MYO1F: variants seen among roughly 807,000 people sequenced by gnomAD.
The protein encoded by MYO1F is myosin IF, also known as unconventional myosin-If.
A neutral mutation model predicts 146.6 loss-of-function variants in MYO1F; 60 were observed. The ratio of observed to expected loss-of-function variants is 0.41; its 90% CI spans 0.33 to 0.51. The LOEUF (loss-of-function observed/expected upper bound fraction) is 0.51, where lower values mean the gene tolerates loss of function less well. MYO1F is among the 20% of genes least tolerant of loss of function. MYO1F has a pLI of 0.25. For synonymous variants in MYO1F, 602 were observed against 602.1 expected, an observed-to-expected ratio of 1.00 and a Z score of 0.00; for missense variants, 1,274 against 1,534.3, an observed-to-expected ratio of 0.83 and a Z score of 2.83.
intron 16 of MYO1F, among the ~76,000 whole-genome samples, chr19:8,538,883 A>C (rs1972840300): frequency 6.6e-6 from 1 of 152,174 alleles, no homozygotes; most frequent in Admixed American, 6.6e-5. Context: ...TTTCCTGGGG[A>C]CACAGTTTCA....
intron 1 of MYO1F, among the ~76,000 whole-genome samples, chr19:8,561,956 C>A (rs547712875): frequency 3.4e-4 from 52 of 151,980 alleles, no homozygotes; most frequent in Non-Finnish European, 5.6e-4. Context: ...ACCTCGTGAT[C>A]CACCCATGTC....
At chr19:8,543,678 G>GTGGTGC (rs1568348344) in intron 14 of MYO1F, among the ~76,000 whole-genome samples, 10 of 46,816 alleles carry the variant, frequency 2.1e-4, no homozygotes, top group African/African-American at 1.2e-3. Context: ...GGTGGTGCTG[G>GTGGTGC]TGGTGGTGGT....
rs111647273 is a variant in MYO1F at position 8,568,355 on chromosome 19, G to A, written c.3+8952C>T. Among the ~76,000 whole-genome samples, 906 of 145,666 alleles carry A rather than the reference G, an allele frequency of 6.2e-3. 5 individuals carry two copies. Among genetic ancestry groups the A allele is most frequent in the African/African-American group, 0.02 (786 of 39,170 alleles). ...GGAGAATGGCGTGAACCTGGGAGGC[G>A]GAGCTTGCAGTGAGCTGAGATGGTG... On this transcript the variant is annotated intron_variant, in intron 1 of 27. Transcript: ENST00000644032.
intron 2 of MYO1F, among the ~76,000 whole-genome samples, 167 bp from the exon 3 acceptor site, chr19:8,554,910 G>A (rs1002333853): frequency 2.0e-5 from 3 of 152,022 alleles, no homozygotes; most frequent in African/African-American, 4.8e-5. Context: ...CTGGCCGGGC[G>A]CGGTGGCTCA....
At chr19:8,540,284 A>G (rs79235764) in intron 15 of MYO1F, 6,709 of 409,660 alleles carry the variant, frequency 0.016, 119 homozygotes, top group African/African-American at 0.062. Flanking sequence ...GCTCAAGCCA[A>G]TGTGTGAATG....
chr19:8,559,579 A>G (rs1165908102), intron 1 of MYO1F, among the ~76,000 whole-genome samples: 1 of 152,058 alleles, frequency 6.6e-6, no homozygotes, highest in Non-Finnish European at 1.5e-5. Context: ...CTGGGGGAAC[A>G]AGGTGGGATG....
chr19:8,574,605 CTTT>C (rs782182651), intron 1 of MYO1F, among the ~76,000 whole-genome samples: 10,341 of 58,684 alleles, frequency 0.18, 552 homozygotes, highest in East Asian at 0.27. Flanking sequence ...CTCTTTCTTT[CTTT>C]CTTTCTTTCT....
intron 4 of MYO1F, among the ~76,000 whole-genome samples, chr19:8,553,894 A>ACACACACACACACACACACT: frequency 3.8e-4 from 39 of 102,666 alleles, no homozygotes; most frequent in African/African-American, 1.3e-3. Context: ...ACACACACAC[A>ACACACACACACACACACACT]CTCTCTCTCT....
intron 1 of MYO1F, among the ~76,000 whole-genome samples, chr19:8,569,355 G>A (rs541058231): frequency 2.0e-5 from 3 of 152,100 alleles, no homozygotes; most frequent in Admixed American, 2.0e-4. Context: ...GGGTAGGAAG[G>A]ACGGGTAGCT....
chr19:8,527,263 G>T, intron 22 of MYO1F, 75 bp downstream of exon 22: 1 of 1,594,518 alleles, frequency 6.3e-7, no homozygotes, highest in Non-Finnish European at 8.6e-7. Flanking sequence ...CAGGGTAACA[G>T]ACGGGGTCAC....
In MYO1F at chr19:8,553,197, G is replaced by A; in HGVS notation, c.446C>T (p.Pro149Leu). The change falls in exon 6 of 28, where the codon CCG (proline) becomes CTG (leucine). Residue 149 changes from proline to leucine, a missense_variant. Pro to Leu is a moderately conservative substitution (Grantham distance 98). Coordinates refer to ENST00000644032, the MANE Select transcript of MYO1F (RefSeq NM_012335.4). Reference protein sequence around the residue: ...HVKDIILQSNPLLEAFGNAKT... With the variant: ...HVKDIILQSNLLLEAFGNAKT... Reference sequence around the variant, plus strand: ...GGCGTTGCCGAAGGCCTCGAGCAGCGGGTTGGACTGCAGGATGATATCTTT... The same window carrying A: ...GGCGTTGCCGAAGGCCTCGAGCAGCAGGTTGGACTGCAGGATGATATCTTT... 2 of 1,614,184 alleles carry A rather than the reference G, an allele frequency of 1.2e-6. No individual in the cohort carries two copies. Among genetic ancestry groups the A allele is most frequent in the South Asian group, 1.1e-5 (1 of 91,082 alleles).
chr19:8,560,409 C>T (rs192155328), intron 1 of MYO1F, among the ~76,000 whole-genome samples: 42 of 151,420 alleles, frequency 2.8e-4, no homozygotes, highest in African/African-American at 5.1e-4. Context: ...CGCTTGATCC[C>T]GGGAGGCAGA....
At chr19:8,539,660 A>T (rs1972874857) in intron 16 of MYO1F, among the ~76,000 whole-genome samples, 1 of 152,202 alleles carries the variant, frequency 6.6e-6, no homozygotes, top group South Asian at 2.1e-4. Flanking sequence ...TTTACCACAA[A>T]TTTAAAAAAT....
At position 8,551,730 on chromosome 19, in the gene MYO1F, C is replaced by T. The variant is rs764030240; in HGVS notation, c.771+10G>A. The T allele has an allele frequency of 1.7e-5, 27 of 1,614,078 alleles. No homozygotes were observed. The highest frequency in any genetic ancestry group is 6.6e-5 in the South Asian group (6 of 91,084). Reference sequence around the variant, plus strand: ...CCTGGCCGGGGACTGGAGTAGAGGCCGGTGCTCACCAGAGTCTCACCAAAG... The same window carrying T: ...CCTGGCCGGGGACTGGAGTAGAGGCTGGTGCTCACCAGAGTCTCACCAAAG... On this transcript the variant is annotated intron_variant, in intron 8 of 27. Coordinates refer to ENST00000644032, the MANE Select transcript of MYO1F (RefSeq NM_012335.4).
chr19:8,523,854 C>T (rs193185441), intron 25 of MYO1F, among the ~76,000 whole-genome samples: 1 of 152,234 alleles, frequency 6.6e-6, no homozygotes, highest in East Asian at 1.9e-4. Flanking sequence ...GGCGCGGTGG[C>T]TCACGCCTGT....
intron 1 of MYO1F, chr19:8,576,616 TTGACAG>T: frequency 6.3e-6 from 1 of 157,834 alleles, no homozygotes; most frequent in South Asian, 1.7e-4. Context: ...GACCTCAGAC[TTGACAG>T]GCAGCAACAC....
intron 12 of MYO1F, among the ~76,000 whole-genome samples, chr19:8,546,228 C>A (rs193077776): frequency 6.6e-6 from 1 of 151,856 alleles, no homozygotes; most frequent in East Asian, 1.9e-4. Flanking sequence ...CCACGCCGGA[C>A]TAATTTTGTA....
intron 1 of MYO1F, among the ~76,000 whole-genome samples, chr19:8,570,201 T>G (rs963566372): frequency 6.6e-5 from 10 of 151,988 alleles, no homozygotes; most frequent in Non-Finnish European, 1.3e-4. Flanking sequence ...GCCTCCCAAG[T>G]AGCTGGGATT....
At chr19:8,556,301 A>G (rs1973851315) in intron 1 of MYO1F, among the ~76,000 whole-genome samples, 1 of 148,526 alleles carries the variant, frequency 6.7e-6, no homozygotes, top group Non-Finnish European at 1.5e-5. Context: ...AAGTGCTGGG[A>G]TTACAGGCGT....
Sources: allele counts gnomAD v4.1 joint callset (sites outside exome capture counted in the v4.1 genomes callset), GRCh38; gene constraint gnomAD v4.1.1; transcripts MANE v1.5; gene names NCBI Gene and HGNC (gene_info 2026-07-23, HGNC 2026-07-21).